TGM5: variants seen among roughly 807,000 people sequenced by gnomAD.
The protein encoded by TGM5 is transglutaminase 5.
A neutral mutation model predicts 77.2 loss-of-function variants in TGM5; 69 were observed. The ratio of observed to expected loss-of-function variants is 0.89; its 90% confidence interval spans 0.74 to 1.09. TGM5 has a LOEUF of 1.09. Ranked by LOEUF, TGM5 falls within the 50% of genes least tolerant of loss-of-function variation. The probability of loss-of-function intolerance (pLI) is 0.00; values close to 1 mark genes in which losing one functional copy is unlikely to be tolerated. For missense variants in TGM5, 842 were observed against 896.5 expected (o/e 0.94, Z 0.78); for synonymous variants, 346 against 351.8 (o/e 0.98, Z 0.18).
At chr15:43,233,382 C>G (rs1566826462) in intron 12 of TGM5, 38 bp from the exon 13 acceptor site, 1 of 1,612,136 alleles carries the variant, frequency 6.2e-7, no homozygotes, top group Non-Finnish European at 8.5e-7. Context: ...AAACCAAAAG[C>G]ATGATAATGA....
chr15:43,233,669 C>T lies in TGM5; in HGVS notation c.1894G>A (p.Val632Met). The change falls in exon 12 of 13, where the codon GTG (valine) becomes ATG (methionine). Residue 632 changes from valine to methionine, a missense_variant. Val to Met is a conservative substitution (Grantham distance 21). Transcript: ENST00000220420. The stretch of plus-strand genomic sequence containing the variant: ...ACCTGTATGGAGAGTGGCTGGTTCA[C>T]AACGGCTGCTCCTAGAACCTAAACA... ...ITINVLGAAV[V>M]NQPLSIQVIF... is the part of the protein sequence containing the mutation. 6.2e-7 allele frequency: 1 copy of T among 1,614,134 alleles called. No homozygotes were observed. Among genetic ancestry groups the T allele is most frequent in the Non-Finnish European group, 8.5e-7 (1 of 1,180,024 alleles).
At chr15:43,264,796 T>TA (rs2042813799) in intron 1 of TGM5, among the ~76,000 whole-genome samples, 1 of 152,244 alleles carries the variant, frequency 6.6e-6, no homozygotes, top group Non-Finnish European at 1.5e-5. Flanking sequence ...AAAGTTGTTA[T>TA]AAACAAATAT....
intron 6 of TGM5, among the ~76,000 whole-genome samples, chr15:43,246,789 C>T (rs2042672375): frequency 6.6e-6 from 1 of 152,026 alleles, no homozygotes; most frequent in Admixed American, 6.6e-5. Context: ...GATGAAATTC[C>T]AGGAGGCCAG....
Position 43,260,311 on chromosome 15 carries a change from A to G in TGM5, c.191-14T>C. On this transcript the variant is annotated splice_polypyrimidine_tract_variant and intron_variant, in intron 2 of 12. Transcript: ENST00000220420. ...CTGGCAGCGGTCCTAGGAGGGAAGTAGAGCTGAGGCCCTCCATGGCGACCT... is the reference window on the plus strand; with the variant it reads ...CTGGCAGCGGTCCTAGGAGGGAAGTGGAGCTGAGGCCCTCCATGGCGACCT... 1.9e-6 allele frequency: 3 copies of G among 1,614,142 alleles called. No individual in the cohort carries two copies. Among genetic ancestry groups the G allele is most frequent in the Non-Finnish European group, 2.5e-6 (3 of 1,180,016 alleles).
At chr15:43,252,570 G>T (rs1213806760) in intron 6 of TGM5, among the ~76,000 whole-genome samples, 189 bp downstream of exon 6, 1 of 151,930 alleles carries the variant, frequency 6.6e-6, no homozygotes, top group Non-Finnish European at 1.5e-5. Context: ...CCCACCTCGG[G>T]CTCCCAAAGT....
chr15:43,235,778 A>G lies in TGM5; in HGVS notation c.1405T>C (p.Phe469Leu), dbSNP rs1016515625. The G allele has an allele frequency of 1.2e-6, 2 of 1,614,166 alleles. No individual in the cohort carries two copies. Among genetic ancestry groups the G allele is most frequent in the Non-Finnish European group, 1.7e-6 (2 of 1,180,016 alleles). The change falls in exon 10 of 13, where the codon TTC (phenylalanine) becomes CTC (leucine). Residue 469 changes from phenylalanine (F) to leucine (L), a missense_variant. Phe to Leu is a conservative substitution (Grantham distance 22, BLOSUM62 0). Transcript: ENST00000220420. ...TCTGCTCCTCTTTGGGAGCCATGGA[A>G]GCTTCTAGCCTTCAGCTTCTGCAGA... Reference protein sequence around the residue: ...KALQKLKARSFHGSQRGAELQ... With the variant: ...KALQKLKARSLHGSQRGAELQ...
Position 43,260,032 on chromosome 15 carries a change from G to T in TGM5, c.436+20C>A. 6.2e-7 allele frequency: 1 copy of T among 1,612,710 alleles called. No homozygotes were observed. On this transcript the variant is annotated intron_variant, in intron 3 of 12. Transcript: ENST00000220420. ...CTGACAGAAGAGAAAGGAGGGCACC[G>T]CCTGGGCACCCAGCCTTACCTGGGC... is the stretch of plus-strand genomic sequence containing the variant.
chr15:43,242,436 CT>C (rs2042643145), intron 6 of TGM5, among the ~76,000 whole-genome samples: 1 of 152,118 alleles, frequency 6.6e-6, no homozygotes, highest in African/African-American at 2.4e-5. Flanking sequence ...TGATAAATAC[CT>C]TTGTAGATCA....
chr15:43,255,013 C>A (rs540090569), intron 4 of TGM5, among the ~76,000 whole-genome samples: 1 of 152,146 alleles, frequency 6.6e-6, no homozygotes, highest in East Asian at 1.9e-4. Flanking sequence ...ACTGAGCAGG[C>A]GATCAATATA....
chr15:43,264,299 A>C (rs1300784189), intron 1 of TGM5, among the ~76,000 whole-genome samples: 1 of 152,230 alleles, frequency 6.6e-6, no homozygotes, highest in African/African-American at 2.4e-5. Flanking sequence ...ACCCAAGATA[A>C]ATGAAAACAT....
chr15:43,236,754 G>A (rs571901819), intron 9 of TGM5, among the ~76,000 whole-genome samples: 9 of 152,230 alleles, frequency 5.9e-5, no homozygotes, highest in African/African-American at 2.2e-4. Context: ...ATTACTTGAG[G>A]TCTGGAGTTC....
chr15:43,233,357 A>G lies in TGM5; in HGVS notation c.2010-13T>C, dbSNP rs1286310293. The G allele has an allele frequency of 2.5e-6, 4 of 1,613,212 alleles. No homozygotes were observed. The highest frequency in any genetic ancestry group is 1.6e-4 in the Middle Eastern group (1 of 6,084). Reference sequence around the variant, plus strand: ...GAGGACTCCAAGGCTGCAACAGAGAATGGAGCATGTCAGAAAACCAAAAGC... The same window carrying G: ...GAGGACTCCAAGGCTGCAACAGAGAGTGGAGCATGTCAGAAAACCAAAAGC... On this transcript the variant is annotated splice_polypyrimidine_tract_variant and intron_variant, in intron 12 of 12. Transcript: ENST00000220420.
chr15:43,256,696 A>C lies in TGM5; in HGVS notation c.437-10T>G. 6.3e-7 allele frequency: 1 copy of C among 1,586,174 alleles called. No individual in the cohort carries two copies. Among genetic ancestry groups the C allele is most frequent in the Non-Finnish European group, 8.7e-7 (1 of 1,154,680 alleles). ...AAGTAGACAGCATCCTCTAGGAACC[A>C]GAGTGGGAGGGCACGAAGCAGAAAA... On this transcript the variant is annotated splice_polypyrimidine_tract_variant and intron_variant, in intron 3 of 12. Coordinates refer to ENST00000220420, the MANE Select transcript of TGM5 (RefSeq NM_201631.4).
At chr15:43,266,142 A>G (rs1251046871) in intron 1 of TGM5, among the ~76,000 whole-genome samples, 1 of 152,242 alleles carries the variant, frequency 6.6e-6, no homozygotes, top group African/African-American at 2.4e-5. Flanking sequence ...TTTTACTCCA[A>G]CTATGTATTC....
intron 4 of TGM5, among the ~76,000 whole-genome samples, chr15:43,255,283 A>G (rs2042735367): frequency 6.6e-6 from 1 of 152,142 alleles, no homozygotes; most frequent in African/African-American, 2.4e-5. Context: ...GCAATGAGCC[A>G]TGATCTCACC....
chr15:43,265,612 T>A (rs751384264), intron 1 of TGM5, among the ~76,000 whole-genome samples: 9 of 152,168 alleles, frequency 5.9e-5, no homozygotes, highest in Non-Finnish European at 1.0e-4. Flanking sequence ...TTGTTTTCCT[T>A]GAGGTGAGAG....
chr15:43,262,451 A>G (rs1296422176), intron 1 of TGM5, among the ~76,000 whole-genome samples: 1 of 152,196 alleles, frequency 6.6e-6, no homozygotes, highest in Non-Finnish European at 1.5e-5. Flanking sequence ...AACAGAATCC[A>G]ACATTCTTTC....
intron 6 of TGM5, among the ~76,000 whole-genome samples, chr15:43,251,458 T>A (rs1407835379): frequency 6.6e-6 from 1 of 152,064 alleles, no homozygotes; most frequent in Non-Finnish European, 1.5e-5. Flanking sequence ...ACAAACTTTG[T>A]CACACACAAA....
chr15:43,235,914 C>A lies in TGM5; in HGVS notation c.1346-77G>T, dbSNP rs1199297523. 16 of 1,588,678 alleles carry A rather than the reference C, an allele frequency of 1.0e-5. No homozygotes were observed. In the East Asian group the frequency reaches 3.6e-4, roughly 35 times the overall value. On this transcript the variant is annotated intron_variant, in intron 9 of 12. Coordinates refer to ENST00000220420, the MANE Select transcript of TGM5 (RefSeq NM_201631.4). ...GACTGAGGCTGAGCGCCATCCCCCA[C>A]CCAATATCTCCACCAACAACTTCAG... is the stretch of plus-strand genomic sequence containing the variant.
Sources: gnomAD v4.1 joint callset for allele counts (sites outside exome capture counted in the v4.1 genomes callset) on GRCh38, gnomAD v4.1.1 for gene constraint, MANE v1.5 for transcripts, NCBI Gene and HGNC (gene_info 2026-07-23, HGNC 2026-07-21) for gene names.